SCGB2B2: variants seen among roughly 807,000 people sequenced by gnomAD.
SCGB2B2 encodes the protein secretoglobin-like protein.
Under a neutral mutation model 7.6 loss-of-function variants are expected in SCGB2B2, and 11 were observed. The observed-to-expected ratio is 1.45, with a 90% confidence interval of 0.91 to 2.40. The LOEUF (loss-of-function observed/expected upper bound fraction) is 2.40. Ranked by LOEUF, SCGB2B2 falls within the 30% of genes most tolerant of loss-of-function variation. The probability of loss-of-function intolerance (pLI) is 0.00; values close to 1 mark genes in which losing one functional copy is unlikely to be tolerated. For synonymous variants in SCGB2B2, 50 were observed against 48.6 expected (o/e 1.03, Z -0.12); for missense variants, 104 against 115.4 (o/e 0.90, Z 0.45).
chr19:34,598,297 G>T lies in SCGB2B2; in HGVS notation c.-2031-1703C>A, dbSNP rs552393599. ...GGGCTGCAGCAGAGCGTGGAATGGGGTCTGTAGGGTCTAGGGAATTATGGA... is the reference window on the plus strand; with the variant it reads ...GGGCTGCAGCAGAGCGTGGAATGGGTTCTGTAGGGTCTAGGGAATTATGGA... On this transcript the variant is annotated intron_variant, in intron 1 of 3. Transcript: ENST00000601241. Among the ~76,000 whole-genome samples the T allele has an allele frequency of 3.3e-5, 5 of 152,316 alleles. No individual in the cohort carries two copies. The East Asian group carries it at 7.7e-4, about 24-fold the overall frequency.
downstream of SCGB2B2, among the ~76,000 whole-genome samples, chr19:34,590,393 CCATTCATCCATT>C (rs2065270947): frequency 2.8e-5 from 2 of 71,854 alleles, no homozygotes; most frequent in South Asian, 1.0e-3. Context: ...ATCCATCCAT[CCATTCATCCATT>C]CATCCATCCA....
chr19:34,628,528 A>G (rs2066440481), intron 1 of SCGB2B2, among the ~76,000 whole-genome samples: 2 of 152,030 alleles, frequency 1.3e-5, no homozygotes, highest in Non-Finnish European at 2.9e-5. Context: ...AGAAATGGAT[A>G]AATTCCTGGA....
Position 34,619,094 on chromosome 19 carries a change from T to C in SCGB2B2, c.-2031-22500A>G, listed in dbSNP as rs575568710. ...CTTTTTTAAAGAAATTAGAGTCCCA[T>C]GACCTAAATCCATTAAAGTTTCTAT... On this transcript the variant is annotated intron_variant, in intron 1 of 3. Coordinates refer to ENST00000601241, the MANE Select transcript of SCGB2B2 (RefSeq NM_001025591.4). 1.3e-3 allele frequency among the ~76,000 whole-genome samples: 203 copies of C among 152,364 alleles called. 2 individuals are homozygous for C. Among genetic ancestry groups the C allele is most frequent in the African/African-American group, 4.7e-3 (197 of 41,592 alleles).
At chr19:34,604,719 A>ATACTC (rs2065730640) in intron 1 of SCGB2B2, among the ~76,000 whole-genome samples, 1 of 151,816 alleles carries the variant, frequency 6.6e-6, no homozygotes, top group African/African-American at 2.4e-5. Flanking sequence ...GATCTACTTT[A>ATACTC]TACTCTAATA....
chr19:34,623,419 G>C (rs1406331444), intron 1 of SCGB2B2, among the ~76,000 whole-genome samples: 1 of 152,090 alleles, frequency 6.6e-6, no homozygotes, highest in East Asian at 1.9e-4. Context: ...AGTGACCCAG[G>C]GTACAGAGAA....
intron 1 of SCGB2B2, among the ~76,000 whole-genome samples, chr19:34,626,452 A>G (rs10426687): frequency 0.95 from 144,752 of 152,182 alleles, 69,262 homozygotes; most frequent in Middle Eastern, 0.99. Flanking sequence ...TGAGAACTAC[A>G]TGATGAAAGC....
intron 1 of SCGB2B2, among the ~76,000 whole-genome samples, chr19:34,642,308 T>C (rs1182882095): frequency 6.6e-6 from 1 of 152,168 alleles, no homozygotes; most frequent in Non-Finnish European, 1.5e-5. Context: ...TTGTGGGCCC[T>C]AAAACTAACA....
rs1345688773 is a variant in SCGB2B2, at chr19:34,591,938, A to G, written c.*1617T>C. 6.6e-6 allele frequency among the ~76,000 whole-genome samples: 1 copy of G among 152,146 alleles called. No homozygotes were observed. Among genetic ancestry groups the G allele is most frequent in the Non-Finnish European group, 1.5e-5 (1 of 68,012 alleles). On this transcript the variant is annotated 3_prime_UTR_variant, in exon 4 of 4. Coordinates refer to ENST00000601241, the MANE Select transcript of SCGB2B2 (RefSeq NM_001025591.4). The stretch of plus-strand genomic sequence containing the variant: ...TTCACCTTGGATGTGAACTTCAGGG[A>G]AGCAGGGCCGTCACCTGCCTTGTTT...
chr19:34,662,961 A>AAC (rs919657563), intron 1 of SCGB2B2, among the ~76,000 whole-genome samples: 21 of 150,604 alleles, frequency 1.4e-4, no homozygotes, highest in African/African-American at 5.2e-4. Context: ...CAAACAAACA[A>AAC]AAAAAAACAA....
intron 1 of SCGB2B2, among the ~76,000 whole-genome samples, chr19:34,629,972 A>G (rs1187553787): frequency 1.3e-5 from 2 of 151,998 alleles, no homozygotes; most frequent in Non-Finnish European, 2.9e-5. Flanking sequence ...ATCTACAACT[A>G]TCTGATCTTT....
At position 34,630,220 on chromosome 19, in the gene SCGB2B2, A is replaced by C. The variant is rs537354228; in HGVS notation, c.-2031-33626T>G. 2.0e-5 allele frequency among the ~76,000 whole-genome samples: 3 copies of C among 152,090 alleles called. No individual in the cohort carries two copies. The South Asian group carries it at 6.2e-4, about 32-fold the overall frequency. ...AGGCATGGGCAAGGACTTCATGTCT[A>C]AAATACCAAAAGCAATGGCAACAAA... On this transcript the variant is annotated intron_variant, in intron 1 of 3. Transcript: ENST00000601241.
chr19:34,633,410 G>A (rs563225436), intron 1 of SCGB2B2, among the ~76,000 whole-genome samples: 1 of 152,298 alleles, frequency 6.6e-6, no homozygotes, highest in East Asian at 1.9e-4. Context: ...AAATTGTGGA[G>A]TATCTATATA....
chr19:34,642,221 G>A (rs1357223535), intron 1 of SCGB2B2, among the ~76,000 whole-genome samples: 3 of 152,192 alleles, frequency 2.0e-5, no homozygotes, highest in Non-Finnish European at 2.9e-5. Flanking sequence ...AAGGCAAAGG[G>A]CTAGTGGGAG....
chr19:34,594,666 TGTGTG>T lies in SCGB2B2; in HGVS notation c.-108_-104del. 4.8e-6 allele frequency: 2 copies of T among 414,096 alleles called. No homozygotes were observed. Among genetic ancestry groups the T allele is most frequent in the Admixed American group, 5.5e-5 (2 of 36,074 alleles). 25.7% of individuals were successfully genotyped at this position (414,096 alleles called of 1,614,324 possible). ...ACATGCCTCTTCGTGTGTGTGTGTG[TGTGTG>T]TGTGTGTGTGTGTGTGTGTGTGTGT... On this transcript the variant is annotated 5_prime_UTR_variant, in exon 2 of 4. The change abolishes the stop of an existing upstream ORF in the 5' untranslated region. Transcript: ENST00000601241.
chr19:34,669,920 A>G (rs1316808084), intron 1 of SCGB2B2, among the ~76,000 whole-genome samples: 4 of 152,232 alleles, frequency 2.6e-5, no homozygotes, highest in Admixed American at 6.5e-5. Context: ...CATAGGCCAC[A>G]GCCTTTATTG....
intron 1 of SCGB2B2, among the ~76,000 whole-genome samples, chr19:34,600,027 C>T (rs934909813): frequency 6.6e-6 from 1 of 150,650 alleles, no homozygotes; most frequent in African/African-American, 2.5e-5. Context: ...GACCACTGTC[C>T]TGATTTTATG....
At chr19:34,625,994 T>C (rs1365619661) in intron 1 of SCGB2B2, among the ~76,000 whole-genome samples, 1 of 152,192 alleles carries the variant, frequency 6.6e-6, no homozygotes, top group African/African-American at 2.4e-5. Flanking sequence ...CCGCTGCTGA[T>C]ACCCAGGCAA....
At chr19:34,641,376 C>T (rs1405581182) in intron 1 of SCGB2B2, among the ~76,000 whole-genome samples, 2 of 152,146 alleles carry the variant, frequency 1.3e-5, no homozygotes, top group Non-Finnish European at 1.5e-5. Context: ...TTGTGAATTC[C>T]GTGCTGAGGC....
chr19:34,609,031 T>C (rs1275095450), intron 1 of SCGB2B2, among the ~76,000 whole-genome samples: 2 of 152,112 alleles, frequency 1.3e-5, no homozygotes, highest in East Asian at 3.9e-4. Flanking sequence ...GGTGAGATGA[T>C]AGCTCACTGT....
Sources: allele counts gnomAD v4.1 joint callset (sites outside exome capture counted in the v4.1 genomes callset), GRCh38; gene constraint gnomAD v4.1.1; transcripts MANE v1.5; gene names NCBI Gene and HGNC (gene_info 2026-07-23, HGNC 2026-07-21).